GLIS3: variants seen among roughly 807,000 people sequenced by gnomAD.
The protein encoded by GLIS3 is zinc finger protein GLIS3.
GLIS3 carries 53 observed loss-of-function variants against 78.6 expected under a neutral mutation model. That is an observed-to-expected ratio of 0.67 (90% CI 0.54 to 0.85). The LOEUF (loss-of-function observed/expected upper bound fraction) is 0.85. Ranked by LOEUF, GLIS3 falls within the 40% of genes least tolerant of loss-of-function variation. The probability of loss-of-function intolerance (pLI) is 0.00; values close to 1 mark genes in which losing one functional copy is unlikely to be tolerated. For synonymous variants in GLIS3, 684 were observed against 509.9 expected (o/e 1.34, Z -4.60); for missense variants, 1,703 against 1,231.1 (o/e 1.38, Z -5.74).
chr9:4,257,164 AAAAG>A (rs1234584493), intron 2 of GLIS3, among the ~76,000 whole-genome samples: 1 of 152,206 alleles, frequency 6.6e-6, no homozygotes, highest in Non-Finnish European at 1.5e-5. Flanking sequence ...TTAAGCCTTT[AAAAG>A]AAAGGGATAC....
the GLIS3 span, among the ~76,000 whole-genome samples, chr9:4,439,643 G>C: frequency 1.3e-5 from 2 of 152,152 alleles, no homozygotes; most frequent in Non-Finnish European, 2.9e-5. Flanking sequence ...AGCTTGTTTA[G>C]ATTTCACATG....
rs77323303 is a variant in GLIS3, at chr9:3,972,588, G to C, written c.1711-35399C>G. Among the ~76,000 whole-genome samples, 95 of 152,198 alleles carry C rather than the reference G, an allele frequency of 6.2e-4. No individual in the cohort carries two copies. The East Asian group carries it at 0.018, about 28-fold the overall frequency. On this transcript the variant is annotated intron_variant, in intron 4 of 10. Transcript: ENST00000381971. ...TTGTTTGTTTGTTTGCTTTCTGATA[G>C]ATTATCATAGGGTTACATTTCACAT... is the stretch of plus-strand genomic sequence containing the variant.
At chr9:3,839,219 T>C (rs774820374) in intron 9 of GLIS3, among the ~76,000 whole-genome samples, 147 of 152,358 alleles carry the variant, frequency 9.6e-4, no homozygotes, top group Non-Finnish European at 1.2e-3. Flanking sequence ...TTTGTTTATA[T>C]GATATCATGT....
chr9:4,462,648 C>CAG, the GLIS3 span, among the ~76,000 whole-genome samples: 6 of 148,034 alleles, frequency 4.1e-5, no homozygotes, highest in South Asian at 6.4e-4. Flanking sequence ...CGCACACACA[C>CAG]ACACACACAC....
intron 4 of GLIS3, among the ~76,000 whole-genome samples, chr9:4,029,289 A>G (rs1823611841): frequency 1.3e-5 from 2 of 151,856 alleles, no homozygotes; most frequent in African/African-American, 2.4e-5. Context: ...TCCCCCCGAG[A>G]CCAAAATGTG....
At chr9:4,349,529 C>T (rs1465560208), upstream of GLIS3, among the ~76,000 whole-genome samples, 3 of 152,008 alleles carry the variant, frequency 2.0e-5, no homozygotes, top group Non-Finnish European at 4.4e-5. Context: ...AGAAAAAAAT[C>T]CCTGTATGCT....
At chr9:4,116,805 G>C (rs766821073) in intron 4 of GLIS3, among the ~76,000 whole-genome samples, 1 of 152,162 alleles carries the variant, frequency 6.6e-6, no homozygotes, top group Non-Finnish European at 1.5e-5. Flanking sequence ...AGAAATCTTA[G>C]ACTTTAAATG....
intron 4 of GLIS3, among the ~76,000 whole-genome samples, chr9:4,080,017 G>C (rs1828417844): frequency 1.3e-5 from 2 of 152,182 alleles, no homozygotes. Context: ...GATTTAAGAA[G>C]GTGACATACA....
At chr9:3,982,701 T>C (rs1819404117) in intron 4 of GLIS3, among the ~76,000 whole-genome samples, 1 of 152,230 alleles carries the variant, frequency 6.6e-6, no homozygotes, top group African/African-American at 2.4e-5. Flanking sequence ...GTCTGCTCCC[T>C]TGATTTTAGC....
At chr9:4,020,720 G>A (rs1044772540) in intron 4 of GLIS3, among the ~76,000 whole-genome samples, 9 of 152,120 alleles carry the variant, frequency 5.9e-5, no homozygotes, top group Admixed American at 5.2e-4. Context: ...TTATTTACAC[G>A]GTGTCAGATT....
chr9:4,192,433 T>C (rs1281856226), intron 2 of GLIS3, among the ~76,000 whole-genome samples: 1 of 152,250 alleles, frequency 6.6e-6, no homozygotes, highest in Non-Finnish European at 1.5e-5. Context: ...CATCTTTATA[T>C]GGGAAAACAT....
At chr9:4,266,769 C>T (rs909087718) in intron 2 of GLIS3, among the ~76,000 whole-genome samples, 3 of 152,172 alleles carry the variant, frequency 2.0e-5, no homozygotes, top group Admixed American at 6.5e-5. Flanking sequence ...TTAGAAGTTA[C>T]TTGGAAAACA....
At chr9:4,011,635 G>A (rs762006133) in intron 4 of GLIS3, among the ~76,000 whole-genome samples, 34 of 152,252 alleles carry the variant, frequency 2.2e-4, no homozygotes, top group Middle Eastern at 3.4e-3. Context: ...TGGACCTTCC[G>A]TCTCTAGTCC....
At chr9:3,929,826 A>AT (rs1397255871) in intron 6 of GLIS3, among the ~76,000 whole-genome samples, 1 of 152,172 alleles carries the variant, frequency 6.6e-6, no homozygotes, top group Non-Finnish European at 1.5e-5. Flanking sequence ...CCAGTTTTCA[A>AT]TTTTTAATTA....
chr9:4,338,538 T>C (rs1015134588), intron 2 of GLIS3, among the ~76,000 whole-genome samples: 2 of 152,084 alleles, frequency 1.3e-5, no homozygotes, highest in African/African-American at 2.4e-5. Context: ...AATGACTGTA[T>C]AGGGCCCCAA....
the GLIS3 span, among the ~76,000 whole-genome samples, chr9:4,383,695 T>C: frequency 6.3e-3 from 961 of 152,350 alleles, 38 homozygotes; most frequent in Admixed American, 0.053. Flanking sequence ...AAGTCCCCTA[T>C]AACCTTTCTT....
the GLIS3 span, among the ~76,000 whole-genome samples, chr9:4,373,585 A>T: frequency 6.6e-6 from 1 of 152,174 alleles, no homozygotes; most frequent in South Asian, 2.1e-4. Context: ...TGGCCAAGTT[A>T]TCCTTTTGGG....
chr9:4,173,232 C>G (rs1412753294), intron 2 of GLIS3, among the ~76,000 whole-genome samples: 1 of 152,132 alleles, frequency 6.6e-6, no homozygotes. Flanking sequence ...GAAAAACAAG[C>G]AGACCTTTTA....
At chr9:4,147,490 G>T (rs1239690117) in intron 2 of GLIS3, 1 of 152,160 alleles carries the variant, frequency 6.6e-6, no homozygotes, top group East Asian at 1.9e-4. Flanking sequence ...CTTGCCCTTG[G>T]CTGGGGGCCT....
Sources: gnomAD v4.1 joint callset for allele counts (sites outside exome capture counted in the v4.1 genomes callset) on GRCh38, gnomAD v4.1.1 for gene constraint, MANE v1.5 for transcripts, NCBI Gene and HGNC (gene_info 2026-07-23, HGNC 2026-07-21) for gene names.